RNF115: variants seen among roughly 807,000 people sequenced by gnomAD.
RNF115 encodes ring finger protein 115.
Under a neutral mutation model 39.2 loss-of-function variants are expected in RNF115, and 31 were observed. That is an observed-to-expected ratio of 0.79 (90% CI 0.59 to 1.07). RNF115 has a LOEUF of 1.07. Ranked by LOEUF, RNF115 falls within the 50% of genes least tolerant of loss-of-function variation. The pLI is 0.00. For missense variants in RNF115, 384 were observed against 381.7 expected (o/e 1.01, Z -0.05); for synonymous variants, 124 against 131.0 (o/e 0.95, Z 0.37).
intron 7 of RNF115, among the ~76,000 whole-genome samples, 164 bp downstream of exon 7, chr1:145,750,243 T>C (rs1553712264): frequency 1.3e-5 from 2 of 152,226 alleles, no homozygotes; most frequent in African/African-American, 2.4e-5. Context: ...TAGAGGGCTA[T>C]AGCTTCACTT....
At chr1:145,747,931 G>T (rs782153803) in intron 8 of RNF115, 64 bp downstream of exon 8, 123 of 1,041,648 alleles carry the variant, frequency 1.2e-4, no homozygotes, top group Non-Finnish European at 1.7e-4. Context: ...GGATCTCGAG[G>T]AACTGTTAAC....
At chr1:145,774,318 G>A (rs72704227) in intron 3 of RNF115, among the ~76,000 whole-genome samples, 14 of 146,318 alleles carry the variant, frequency 9.6e-5, no homozygotes, top group Non-Finnish European at 2.0e-4. Context: ...TTTTTTTGGT[G>A]TTTTAGAAAT....
At chr1:145,751,856 A>C (rs1286954418) in intron 5 of RNF115, among the ~76,000 whole-genome samples, 2 of 152,210 alleles carry the variant, frequency 1.3e-5, no homozygotes, top group East Asian at 3.8e-4. Context: ...CTGCTTTTTA[A>C]GGAGAGTTTT....
At chr1:145,757,915 A>T (rs1336134449) in intron 4 of RNF115, among the ~76,000 whole-genome samples, 1 of 152,204 alleles carries the variant, frequency 6.6e-6, no homozygotes, top group African/African-American at 2.4e-5. Flanking sequence ...GACCTAGTTA[A>T]AAGGACAGCT....
rs1359972926 is a variant in RNF115 at position 145,739,686 on chromosome 1, TCTC to T, written c.*7177_*7179del. The T allele has an allele frequency of 6.6e-6, 1 of 151,968 alleles. No homozygotes were observed. The highest frequency in any genetic ancestry group is 1.5e-5 in the Non-Finnish European group (1 of 68,078). The allele number at this position is 151,968 out of a possible 1,614,324, so 9.4% of individuals were successfully genotyped here. A position where few individuals can be genotyped will look rare whatever the true frequency, so the allele number is the denominator to read the frequency against. The stretch of plus-strand genomic sequence containing the variant: ...CCTCCACCTCCCGGGTTCAAGCAAT[TCTC>T]CTGCCTCAGTCTCCCAAGTAGCTGG... On this transcript the variant is annotated 3_prime_UTR_variant, in exon 9 of 9. Coordinates refer to ENST00000582693, the MANE Select transcript of RNF115 (RefSeq NM_014455.4).
intron 1 of RNF115, among the ~76,000 whole-genome samples, chr1:145,799,260 G>T (rs1553720521): frequency 6.6e-6 from 1 of 151,940 alleles, no homozygotes; most frequent in Non-Finnish European, 1.5e-5. Flanking sequence ...TAAAGACGGG[G>T]TTTCACCATG....
At chr1:145,750,581 A>C in intron 6 of RNF115, 81 bp from the exon 7 acceptor site, 1 of 1,035,570 alleles carries the variant, frequency 9.7e-7, no homozygotes. Context: ...GCTGAGAACA[A>C]ACAGTGCAGA....
At chr1:145,791,512 CAA>C (rs1180971080) in intron 1 of RNF115, among the ~76,000 whole-genome samples, 24 of 106,006 alleles carry the variant, frequency 2.3e-4, no homozygotes, top group Admixed American at 2.0e-4. Flanking sequence ...AACTCCACCT[CAA>C]AAAAAAAAAA....
rs1553711648 is a variant in RNF115 at position 145,745,830 on chromosome 1, T to C, written c.*1036A>G. The C allele has an allele frequency of 6.6e-6, 1 of 151,926 alleles. No individual in the cohort carries two copies. The highest frequency in any genetic ancestry group is 1.5e-5 in the Non-Finnish European group (1 of 67,958). The allele number at this position is 151,926 out of a possible 1,614,324, so 9.4% of individuals were successfully genotyped here. Reference sequence around the variant, plus strand: ...CTGTGCCTGTATGCTGCCCAACTCATTCCCAAAAAGGAATGGGAATCAGAT... The same window carrying C: ...CTGTGCCTGTATGCTGCCCAACTCACTCCCAAAAAGGAATGGGAATCAGAT... On this transcript the variant is annotated 3_prime_UTR_variant, in exon 9 of 9. Transcript: ENST00000582693.
At position 145,784,587 on chromosome 1, in the gene RNF115, A is replaced by G. The variant is rs1489694318; in HGVS notation, c.171T>C (p.Gly57=). Residue 57 remains glycine, a synonymous_variant, in exon 3 of 9, where the codon GGT becomes GGC. Transcript: ENST00000582693. The stretch of plus-strand genomic sequence containing the variant: ...TATTGTCTATCCGACTGCCGCCACC[A>G]CCTAAAAAACTAAAGAGAAAAGGAA... ...EEVTDDSSFL[G]GGGSRIDNTT... 1.2e-6 allele frequency: 2 copies of G among 1,613,842 alleles called. No homozygotes were observed. The highest frequency in any genetic ancestry group is 8.5e-7 in the Non-Finnish European group (1 of 1,179,888).
At chr1:145,767,473 C>T (rs4391622) in intron 4 of RNF115, among the ~76,000 whole-genome samples, 2,238 of 151,416 alleles carry the variant, frequency 0.015, 43 homozygotes, top group African/African-American at 0.051. Flanking sequence ...GGCAGAGACG[C>T]TCCTCACTTT....
intron 1 of RNF115, among the ~76,000 whole-genome samples, chr1:145,801,181 C>CAA (rs200279758): frequency 3.3e-5 from 5 of 149,590 alleles, no homozygotes; most frequent in African/African-American, 9.8e-5. Context: ...GACTCCGTCT[C>CAA]AAAAAAAAAG....
chr1:145,800,386 A>G (rs1649174888), intron 1 of RNF115, among the ~76,000 whole-genome samples: 1 of 152,058 alleles, frequency 6.6e-6, no homozygotes, highest in Non-Finnish European at 1.5e-5. Context: ...CCCCAATAAG[A>G]CCTCTCAGCC....
intron 1 of RNF115, among the ~76,000 whole-genome samples, chr1:145,811,883 CAAAAAAAAAAA>C (rs67086842): frequency 8.4e-5 from 3 of 35,856 alleles, no homozygotes; most frequent in African/African-American, 2.1e-4. Context: ...TTCTGTCTCA[CAAAAAAAAAAA>C]AAAAAAAAAA....
chr1:145,780,792 A>G (rs1648108344), intron 3 of RNF115, among the ~76,000 whole-genome samples: 1 of 152,074 alleles, frequency 6.6e-6, no homozygotes, highest in Non-Finnish European at 1.5e-5. Context: ...TCTTTTTTCC[A>G]GAAAGCCATG....
At chr1:145,766,790 G>A (rs1571727071) in intron 4 of RNF115, among the ~76,000 whole-genome samples, 1 of 11,076 alleles carries the variant, frequency 9.0e-5, no homozygotes, top group Admixed American at 5.5e-4. Context: ...GCGGCTGGCC[G>A]GGGGGGGGGG....
chr1:145,767,199 G>A (rs1485327727), intron 4 of RNF115, among the ~76,000 whole-genome samples: 3 of 150,704 alleles, frequency 2.0e-5, no homozygotes, highest in Non-Finnish European at 3.0e-5. Context: ...GGGCGGAGAC[G>A]CTCCTCACTT....
At chr1:145,819,684 AT>A (rs1475424650) in intron 1 of RNF115, among the ~76,000 whole-genome samples, 1 of 152,240 alleles carries the variant, frequency 6.6e-6, no homozygotes, top group East Asian at 1.9e-4. Flanking sequence ...AATATCCCTA[AT>A]GAACACAGAC....
chr1:145,790,220 A>C (rs1648600158), intron 1 of RNF115, among the ~76,000 whole-genome samples: 2 of 151,982 alleles, frequency 1.3e-5, no homozygotes, highest in Admixed American at 6.6e-5. Context: ...GGCTCACCAC[A>C]ACCTCTGCCT....
Sources: gnomAD v4.1 joint callset for allele counts (sites outside exome capture counted in the v4.1 genomes callset) on GRCh38, gnomAD v4.1.1 for gene constraint, MANE v1.5 for transcripts, NCBI Gene and HGNC (gene_info 2026-07-23, HGNC 2026-07-21) for gene names.